The following NEK1 variants were observed in gnomAD, a reference collection of about 807,000 sequenced individuals.
NEK1 encodes the protein NIMA related kinase 1, also known as serine/threonine-protein kinase Nek1.
Under a neutral mutation model 182.1 loss-of-function variants are expected in NEK1, and 137 were observed. The ratio of observed to expected loss-of-function variants is 0.75; its 90% CI spans 0.65 to 0.87. The LOEUF (loss-of-function observed/expected upper bound fraction) is 0.87, where lower values mean the gene tolerates loss of function less well. NEK1 is among the 40% of genes least tolerant of loss of function. The pLI, the probability that NEK1 is intolerant of heterozygous loss-of-function variation, is 0.00. For synonymous variants in NEK1, 513 were observed against 492.2 expected, an observed-to-expected ratio of 1.04 and a Z score of -0.56; for missense variants, 1,391 against 1,494.4, an observed-to-expected ratio of 0.93 and a Z score of 1.14.
At chr4:169,521,326 G>T (rs1394080749) in intron 19 of NEK1, among the ~76,000 whole-genome samples, 1 of 3,876 alleles carries the variant, frequency 2.6e-4, no homozygotes, top group African/African-American at 1.1e-3. Context: ...CTGACCCCTT[G>T]CGCTTCCCAG....
intron 2 of NEK1, among the ~76,000 whole-genome samples, chr4:169,607,695 C>G (rs1771607607): frequency 6.6e-6 from 1 of 151,976 alleles, no homozygotes; most frequent in African/African-American, 2.4e-5. Context: ...GATCTCCTGA[C>G]CTTGTGATCC....
chr4:169,574,388 G>A (rs1765357118), intron 12 of NEK1, among the ~76,000 whole-genome samples: 1 of 152,074 alleles, frequency 6.6e-6, no homozygotes, highest in South Asian at 2.1e-4. Flanking sequence ...GGGGTCAGGA[G>A]ATCGAGACCA....
chr4:169,506,737 C>A (rs1322644231), intron 23 of NEK1: 1 of 156,346 alleles, frequency 6.4e-6, no homozygotes, highest in Non-Finnish European at 1.4e-5. Flanking sequence ...TGTCACTGCA[C>A]TTCAGCCTGG....
chr4:169,601,976 A>G (rs1770574491), intron 4 of NEK1, 32 bp downstream of exon 4: 1 of 1,466,742 alleles, frequency 6.8e-7, no homozygotes, highest in South Asian at 1.2e-5. Flanking sequence ...ATGTCTTAGG[A>G]TTTTTTAACT....
intron 12 of NEK1, among the ~76,000 whole-genome samples, chr4:169,575,188 C>T (rs1482174929): frequency 6.6e-6 from 1 of 152,136 alleles, no homozygotes; most frequent in East Asian, 1.9e-4. Context: ...AATTGGCCCA[C>T]TTAGGTTTGA....
intron 13 of NEK1, 78 bp downstream of exon 13, chr4:169,562,059 G>T: frequency 8.3e-7 from 1 of 1,206,234 alleles, no homozygotes; most frequent in Non-Finnish European, 1.2e-6. Flanking sequence ...AGGTTTGGAG[G>T]CTTTATAGTA....
chr4:169,581,410 G>A (rs1441561915), intron 10 of NEK1, among the ~76,000 whole-genome samples: 1 of 151,938 alleles, frequency 6.6e-6, no homozygotes, highest in African/African-American at 2.4e-5. Flanking sequence ...GGGACCACAG[G>A]CGTGTGTCAC....
intron 23 of NEK1, among the ~76,000 whole-genome samples, chr4:169,506,015 T>A (rs1753191321): frequency 6.6e-6 from 1 of 151,746 alleles, no homozygotes; most frequent in Non-Finnish European, 1.5e-5. Flanking sequence ...TAAAAACTAT[T>A]ATAACTATGT....
chr4:169,424,584 G>T lies in NEK1; in HGVS notation c.3191C>A (p.Ser1064Ter). The T allele has an allele frequency of 6.2e-7, 1 of 1,610,298 alleles. No homozygotes were observed. Among genetic ancestry groups the T allele is most frequent in the Non-Finnish European group, 8.5e-7 (1 of 1,177,090 alleles). ...KNKNSLLIGL[S>*]TGLFDANNPK... ...GTTGTTTGCATCAAACAGACCAGTTGAAAGTCCAATCAGCAAGGAATTCTT... is the reference window on the plus strand; with the variant it reads ...GTTGTTTGCATCAAACAGACCAGTTTAAAGTCCAATCAGCAAGGAATTCTT... The change falls in exon 31 of 36, where the codon TCA (serine) becomes TAA (stop). Residue 1064 changes from serine (S) to a stop codon, truncating the protein, a stop_gained. Transcript: ENST00000507142. LOFTEE classifies it high-confidence loss of function.
chr4:169,413,171 A>AT (rs5863996), intron 31 of NEK1, among the ~76,000 whole-genome samples: 3,683 of 144,622 alleles, frequency 0.025, 160 homozygotes, highest in African/African-American at 0.087. Context: ...AGTACAGCTA[A>AT]TTTTTTTTTT....
Position 169,397,155 on chromosome 4 carries a change from C to T in NEK1, c.3848-2632G>A, listed in dbSNP as rs997512942. On this transcript the variant is annotated intron_variant, in intron 35 of 35. Transcript: ENST00000507142. ...GGGAGGACTGCTTGAGCCCAGGAGG[C>T]GGAGGTTGCAGTGAGTTGAGATCAT... Among the ~76,000 whole-genome samples the T allele has an allele frequency of 8.6e-5, 13 of 151,786 alleles. No individual in the cohort carries two copies. The East Asian group carries it at 1.9e-3, about 23-fold the overall frequency.
At chr4:169,397,431 AC>A (rs1407083691) in intron 35 of NEK1, among the ~76,000 whole-genome samples, 1 of 152,194 alleles carries the variant, frequency 6.6e-6, no homozygotes, top group Non-Finnish European at 1.5e-5. Flanking sequence ...CCATTTTATA[AC>A]CAGTTTCTTT....
At chr4:169,559,629 A>G (rs932380247) in intron 16 of NEK1, among the ~76,000 whole-genome samples, 1 of 152,252 alleles carries the variant, frequency 6.6e-6, no homozygotes, top group Non-Finnish European at 1.5e-5. Context: ...ACCAAGAATT[A>G]TAATTGATCC....
At chr4:169,605,516 A>G (rs1771189092) in intron 2 of NEK1, among the ~76,000 whole-genome samples, 1 of 152,214 alleles carries the variant, frequency 6.6e-6, no homozygotes, top group Admixed American at 6.5e-5. Flanking sequence ...ATCTTACAAT[A>G]TATTTAACTG....
At position 169,426,176 on chromosome 4, in the gene NEK1, T is replaced by A. The variant is rs374918901; in HGVS notation, c.2944A>T (p.Thr982Ser). ...NEVSEDGVSS[T>S]VDQLSDIHIE... The stretch of plus-strand genomic sequence containing the variant: ...TGAATGTCACTAAGTTGGTCCACAG[T>A]ACTCGAGACTCCATCTTCAGAAACT... Residue 982 changes from threonine (T) to serine (S), a missense_variant, in exon 30 of 36, where the codon ACT (threonine) becomes TCT (serine). Thr to Ser is a moderately conservative substitution (Grantham distance 58). Coordinates refer to ENST00000507142, the MANE Select transcript of NEK1 (RefSeq NM_001199397.3). 10 of 1,613,756 alleles carry A rather than the reference T, an allele frequency of 6.2e-6. No homozygotes were observed. The highest frequency in any genetic ancestry group is 8.5e-6 in the Non-Finnish European group (10 of 1,179,784).
Position 169,465,650 on chromosome 4 carries a change from A to G in NEK1, c.2435-2255T>C, listed in dbSNP as rs866399200. Among the ~76,000 whole-genome samples the G allele has an allele frequency of 1.5e-4, 23 of 152,270 alleles. No homozygotes were observed. The Middle Eastern group carries it at 0.01, about 68-fold the overall frequency. On this transcript the variant is annotated intron_variant, in intron 26 of 35. Coordinates refer to ENST00000507142, the MANE Select transcript of NEK1 (RefSeq NM_001199397.3). ...TCACACAGTGCCAGAAAGAGTTCCTATTCCCATCAGCCAAAAAAGACTGAT... is the reference window on the plus strand; with the variant it reads ...TCACACAGTGCCAGAAAGAGTTCCTGTTCCCATCAGCCAAAAAAGACTGAT...
At chr4:169,547,243 G>T (rs1328514790) in intron 18 of NEK1, among the ~76,000 whole-genome samples, 1 of 152,118 alleles carries the variant, frequency 6.6e-6, no homozygotes, top group Non-Finnish European at 1.5e-5. Context: ...GCTTAGTTTG[G>T]CTGGATATGA....
intron 31 of NEK1, among the ~76,000 whole-genome samples, chr4:169,423,692 T>C (rs1391777196): frequency 2.0e-5 from 3 of 152,158 alleles, no homozygotes; most frequent in Non-Finnish European, 2.9e-5. Flanking sequence ...ATTCCACTTA[T>C]AGAAATTTAT....
chr4:169,494,417 G>C (rs528856621), intron 23 of NEK1, among the ~76,000 whole-genome samples: 2 of 152,190 alleles, frequency 1.3e-5, no homozygotes, highest in African/African-American at 4.8e-5. Flanking sequence ...CCCCTACAAA[G>C]GACATGAACT....
Sources: allele counts gnomAD v4.1 joint callset (sites outside exome capture counted in the v4.1 genomes callset), GRCh38; gene constraint gnomAD v4.1.1; transcripts MANE v1.5; gene names NCBI Gene and HGNC (gene_info 2026-07-23, HGNC 2026-07-21).